Variants in SEC23A observed in about 807,000 individuals in gnomAD.
The protein encoded by SEC23A is SEC23 homolog A, COPII component, also known as protein transport protein Sec23A.
In SEC23A, 56 loss-of-function variants were observed where a neutral mutation model predicts 103.7. The observed-to-expected ratio is 0.54, with a 90% CI of 0.44 to 0.67. The LOEUF is 0.67. Among genes scored for constraint, SEC23A ranks in the 30% least tolerant of loss-of-function variants. SEC23A has a pLI of 0.00. For missense variants in SEC23A, 784 were observed against 936.4 expected, an observed-to-expected ratio of 0.84 and a Z score of 2.12; for synonymous variants, 281 against 293.0, an observed-to-expected ratio of 0.96 and a Z score of 0.42.
intron 1 of SEC23A, among the ~76,000 whole-genome samples, chr14:39,096,451 A>G (rs1887895932): frequency 6.6e-6 from 1 of 151,166 alleles, no homozygotes; most frequent in Non-Finnish European, 1.5e-5. Flanking sequence ...AATCTCTTGA[A>G]CCCTGGAGGC....
chr14:39,100,695 G>A (rs1012747047), intron 1 of SEC23A, among the ~76,000 whole-genome samples: 3 of 151,112 alleles, frequency 2.0e-5, no homozygotes, highest in Non-Finnish European at 4.4e-5. Flanking sequence ...TTACAGGTGT[G>A]AGCCACCATG....
At chr14:39,062,302 A>T (rs1230252214) in intron 12 of SEC23A, among the ~76,000 whole-genome samples, 1 of 152,174 alleles carries the variant, frequency 6.6e-6, no homozygotes, top group Non-Finnish European at 1.5e-5. Context: ...CCTTATACCA[A>T]TTGAAGATCC....
intron 9 of SEC23A, among the ~76,000 whole-genome samples, chr14:39,071,739 C>T (rs920740163): frequency 6.6e-6 from 1 of 150,884 alleles, no homozygotes; most frequent in South Asian, 2.1e-4. Flanking sequence ...TGGTGGCAGG[C>T]GCTTGTAGTC....
chr14:39,068,823 A>G (rs1886755993), intron 9 of SEC23A, among the ~76,000 whole-genome samples: 1 of 152,204 alleles, frequency 6.6e-6, no homozygotes, highest in Non-Finnish European at 1.5e-5. Context: ...TGTTATAACT[A>G]ATTGACCATA....
intron 9 of SEC23A, among the ~76,000 whole-genome samples, chr14:39,069,785 C>T (rs1886782856): frequency 6.6e-6 from 1 of 152,070 alleles, no homozygotes; most frequent in Non-Finnish European, 1.5e-5. Flanking sequence ...CAACTTTGTA[C>T]TTGCTATTCC....
intron 19 of SEC23A, among the ~76,000 whole-genome samples, chr14:39,038,256 G>A (rs1885524074): frequency 6.6e-6 from 1 of 151,952 alleles, no homozygotes; most frequent in Admixed American, 6.6e-5. Flanking sequence ...GCTCTTTTCT[G>A]ATTACACACC....
intron 7 of SEC23A, among the ~76,000 whole-genome samples, chr14:39,083,312 T>C (rs1452096489): frequency 6.6e-6 from 1 of 152,054 alleles, no homozygotes; most frequent in Non-Finnish European, 1.5e-5. Context: ...GAAAGGCTAA[T>C]CAGAAACTCA....
At chr14:39,061,180 G>A (rs746228961) in intron 13 of SEC23A, among the ~76,000 whole-genome samples, 9 of 151,592 alleles carry the variant, frequency 5.9e-5, no homozygotes, top group South Asian at 2.1e-4. Flanking sequence ...ATCTGTACCC[G>A]AAGGATTAGG....
At chr14:39,048,274 A>G (rs760189797) in intron 15 of SEC23A, among the ~76,000 whole-genome samples, 2 of 152,226 alleles carry the variant, frequency 1.3e-5, no homozygotes, top group Admixed American at 6.5e-5. Flanking sequence ...AATAGATACC[A>G]TAAAAAGAGC....
intron 17 of SEC23A, 107 bp from the exon 18 acceptor site, chr14:39,040,994 C>T: frequency 7.8e-7 from 1 of 1,282,230 alleles, no homozygotes; most frequent in Non-Finnish European, 1.0e-6. Flanking sequence ...AATTATAGAC[C>T]ATTATTCCAT....
intron 15 of SEC23A, among the ~76,000 whole-genome samples, chr14:39,045,678 T>C (rs1885806107): frequency 6.6e-6 from 1 of 152,056 alleles, no homozygotes; most frequent in Non-Finnish European, 1.5e-5. Context: ...ACTTTGTATT[T>C]AAAAGGAAAA....
At chr14:39,055,343 C>T in intron 13 of SEC23A, 47 bp from the exon 14 acceptor site, 1 of 1,581,860 alleles carries the variant, frequency 6.3e-7, no homozygotes, top group African/African-American at 1.3e-5. Flanking sequence ...TTATTATACC[C>T]ACAATATCAT....
At chr14:39,074,121 G>A in intron 9 of SEC23A, among the ~76,000 whole-genome samples, 1 of 152,172 alleles carries the variant, frequency 6.6e-6, no homozygotes, top group Non-Finnish European at 1.5e-5. Context: ...TAAATGGTAA[G>A]TTTATGGTAT....
chr14:39,059,278 TAAAAAAAAAAAAAAAAAAAAAA>T (rs750853379), intron 13 of SEC23A, among the ~76,000 whole-genome samples: 2 of 71,826 alleles, frequency 2.8e-5, no homozygotes, highest in African/African-American at 1.0e-4. Flanking sequence ...AGTCCTAGTT[TAAAAAAAAAAAAAAAAAAAAAA>T]AAAAAAAAAA....
chr14:39,095,626 G>C (rs1428637085), intron 2 of SEC23A, among the ~76,000 whole-genome samples: 2 of 152,038 alleles, frequency 1.3e-5, no homozygotes, highest in Non-Finnish European at 2.9e-5. Flanking sequence ...ATGCAAGATG[G>C]GTTGATACAC....
At chr14:39,042,993 T>C (rs1885701104) in intron 16 of SEC23A, 121 bp from the exon 17 acceptor site, 1 of 694,204 alleles carries the variant, frequency 1.4e-6, no homozygotes, top group Non-Finnish European at 2.4e-6. Context: ...ATTTATTTTT[T>C]TGGAGAAGGG....
In SEC23A at chr14:39,094,442, ATTTTTTT is replaced by A. The variant is rs55763808; in HGVS notation, c.222-1205_222-1199del. Reference sequence around the variant, plus strand: ...TATATATATATATATATATATATATATTTTTTTTTTTTTTTTTTCCCCTCCTGTAGAA... The same window carrying A: ...TATATATATATATATATATATATATATTTTTTTTTTTCCCCTCCTGTAGAA... On this transcript the variant is annotated intron_variant, in intron 2 of 19. Coordinates refer to ENST00000307712, the MANE Select transcript of SEC23A (RefSeq NM_006364.4). Among the ~76,000 whole-genome samples the A allele has an allele frequency of 3.1e-3, 30 of 9,644 alleles. 7 individuals carry two copies. Among genetic ancestry groups the A allele is most frequent in the African/African-American group, 0.014 (14 of 990 alleles). The allele number at this position is 9,644 out of a possible 152,430, so 6.3% of individuals were successfully genotyped here.
intron 15 of SEC23A, among the ~76,000 whole-genome samples, chr14:39,046,287 G>A (rs2139195580): frequency 6.6e-6 from 1 of 152,192 alleles, no homozygotes; most frequent in South Asian, 2.1e-4. Context: ...TGGCCAACAT[G>A]GTGAAACCCC....
intron 1 of SEC23A, among the ~76,000 whole-genome samples, chr14:39,102,750 G>T (rs548031210): frequency 6.6e-6 from 1 of 152,282 alleles, no homozygotes; most frequent in South Asian, 2.1e-4. Context: ...GGGTGGCCCA[G>T]GAGGTGGGGG....
Sources: allele counts gnomAD v4.1 joint callset (sites outside exome capture counted in the v4.1 genomes callset), GRCh38; gene constraint gnomAD v4.1.1; transcripts MANE v1.5; gene names NCBI Gene and HGNC (gene_info 2026-07-23, HGNC 2026-07-21).